Variants in EFCAB11 observed in about 807,000 individuals in gnomAD.
EFCAB11 encodes the protein EF-hand calcium-binding domain-containing protein 11.
EFCAB11 carries 14 observed loss-of-function variants against 23.0 expected under a neutral mutation model. The ratio of observed to expected loss-of-function variants is 0.61; its 90% CI spans 0.40 to 0.95. The LOEUF is 0.95. EFCAB11 is among the 40% of genes least tolerant of loss of function. EFCAB11 has a pLI of 0.00. For missense variants in EFCAB11, 198 were observed against 195.8 expected (o/e 1.01, Z -0.07); for synonymous variants, 65 against 66.6 (o/e 0.98, Z 0.11).
intron 5 of EFCAB11, among the ~76,000 whole-genome samples, chr14:89,885,401 G>A (rs1039373422): frequency 9.2e-5 from 14 of 152,090 alleles, no homozygotes; most frequent in East Asian, 1.9e-4. Context: ...CCCAGCCAGC[G>A]GGCGTGGTGG....
intron 5 of EFCAB11, chr14:89,830,921 A>T (rs1304900753): frequency 6.6e-6 from 1 of 152,242 alleles, no homozygotes; most frequent in Non-Finnish European, 1.5e-5. Flanking sequence ...ATCACAGGTG[A>T]AATGGAAAAA....
At chr14:89,877,808 C>T (rs1888486599) in intron 5 of EFCAB11, among the ~76,000 whole-genome samples, 1 of 151,980 alleles carries the variant, frequency 6.6e-6, no homozygotes, top group Admixed American at 6.6e-5. Flanking sequence ...CAAAAGGCAC[C>T]CCTTCATATA....
intron 5 of EFCAB11, among the ~76,000 whole-genome samples, chr14:89,822,054 TATAG>T (rs1408478088): frequency 6.6e-5 from 10 of 152,302 alleles, no homozygotes; most frequent in African/African-American, 2.4e-4. Flanking sequence ...GAAGTAGTCA[TATAG>T]ATAAAATTTA....
chr14:89,929,841 T>C lies in EFCAB11; in HGVS notation c.410+1700A>G, dbSNP rs537441149. Among the ~76,000 whole-genome samples, 9 of 152,388 alleles carry C rather than the reference T, an allele frequency of 5.9e-5. 1 individual carries two copies. Among genetic ancestry groups the C allele is most frequent in the African/African-American group, 2.2e-4 (9 of 41,604 alleles). On this transcript the variant is annotated intron_variant, in intron 5 of 5. Coordinates refer to ENST00000316738, the MANE Select transcript of EFCAB11 (RefSeq NM_145231.4). ...TAAGAAGGTGTTACTTTCTCATTCA[T>C]CGTTAAAACATTGCCTGTATCTTGA...
At chr14:89,916,164 A>G (rs1000046112) in intron 5 of EFCAB11, among the ~76,000 whole-genome samples, 1 of 151,860 alleles carries the variant, frequency 6.6e-6, no homozygotes, top group African/African-American at 2.4e-5. Context: ...CAGAAAAAAA[A>G]AAAAGAAAAA....
intron 5 of EFCAB11, among the ~76,000 whole-genome samples, chr14:89,898,376 T>G (rs1233621549): frequency 6.6e-6 from 1 of 152,106 alleles, no homozygotes; most frequent in East Asian, 1.9e-4. Flanking sequence ...TTTTGTTTTG[T>G]TTTTTTGAGA....
At chr14:89,914,341 AACTAGAAAAGG>A (rs1252923809) in intron 5 of EFCAB11, among the ~76,000 whole-genome samples, 1 of 152,242 alleles carries the variant, frequency 6.6e-6, no homozygotes, top group Non-Finnish European at 1.5e-5. Flanking sequence ...TCTGTGCTTA[AACTAGAAAAGG>A]ACAGGGTGAG....
intron 5 of EFCAB11, among the ~76,000 whole-genome samples, chr14:89,922,642 G>A (rs763573299): frequency 2.4e-4 from 37 of 151,898 alleles, no homozygotes; most frequent in Non-Finnish European, 5.0e-4. Context: ...TTTTTCCAAT[G>A]AAATAAGCCA....
At chr14:89,849,262 T>C (rs556605149) in intron 5 of EFCAB11, among the ~76,000 whole-genome samples, 23 of 152,316 alleles carry the variant, frequency 1.5e-4, no homozygotes, top group African/African-American at 5.3e-4. Context: ...CACTCCACCA[T>C]CTTTGCCTGG....
At chr14:89,865,371 C>G (rs1427726413) in intron 5 of EFCAB11, among the ~76,000 whole-genome samples, 3 of 152,128 alleles carry the variant, frequency 2.0e-5, no homozygotes, top group African/African-American at 4.8e-5. Context: ...TCATATCCGA[C>G]AGAGCCTCTC....
rs374259699 is a variant in EFCAB11, at chr14:89,892,511, A to ATC, written c.410+39028_410+39029dup. On this transcript the variant is annotated intron_variant, in intron 5 of 5. Coordinates refer to ENST00000316738, the MANE Select transcript of EFCAB11 (RefSeq NM_145231.4). ...ACCTGGTGGGATGGGGAATGTTAGT[A>ATC]TCTCTCTGGAGGACAAATGACAGAA... 4,574 of 1,258,874 alleles carry ATC rather than the reference A, an allele frequency of 3.6e-3. 64 individuals are homozygous for ATC. Among genetic ancestry groups the ATC allele is most frequent in the South Asian group, 0.028 (1,775 of 64,454 alleles). 78.0% of individuals were successfully genotyped at this position (1,258,874 alleles called of 1,614,324 possible). A position where few individuals can be genotyped will look rare whatever the true frequency, so the allele number is the denominator to read the frequency against.
chr14:89,923,885 C>CT, intron 5 of EFCAB11: 1 of 985,380 alleles, frequency 1.0e-6, no homozygotes, highest in Non-Finnish European at 1.2e-6. Context: ...TGAGAAATAA[C>CT]ATTTCAAAAG....
At chr14:89,843,619 G>C (rs1228242171) in intron 5 of EFCAB11, among the ~76,000 whole-genome samples, 2 of 152,176 alleles carry the variant, frequency 1.3e-5, no homozygotes, top group Non-Finnish European at 2.9e-5. Context: ...AAGACTAGCT[G>C]CAGTGTAGAA....
At chr14:89,911,856 G>A (rs1216255478) in intron 5 of EFCAB11, among the ~76,000 whole-genome samples, 2 of 152,214 alleles carry the variant, frequency 1.3e-5, no homozygotes, top group African/African-American at 4.8e-5. Flanking sequence ...AGTCCCCACT[G>A]ACAGAGCACG....
intron 5 of EFCAB11, among the ~76,000 whole-genome samples, chr14:89,902,316 T>C (rs1285184612): frequency 6.6e-6 from 1 of 152,216 alleles, no homozygotes; most frequent in African/African-American, 2.4e-5. Flanking sequence ...TTTTCTATAA[T>C]TTATTCTGTT....
At chr14:89,845,052 T>C (rs1225391399) in intron 5 of EFCAB11, among the ~76,000 whole-genome samples, 1 of 152,216 alleles carries the variant, frequency 6.6e-6, no homozygotes, top group Non-Finnish European at 1.5e-5. Context: ...AAAATCTGTT[T>C]TGTTGTTTTA....
intron 5 of EFCAB11, among the ~76,000 whole-genome samples, chr14:89,842,324 C>T (rs996317912): frequency 1.3e-5 from 2 of 152,214 alleles, no homozygotes; most frequent in Non-Finnish European, 2.9e-5. Context: ...CGTGGTGGCT[C>T]ACGCCTGTAA....
At chr14:89,927,790 C>T (rs988569570) in intron 5 of EFCAB11, among the ~76,000 whole-genome samples, 2 of 151,802 alleles carry the variant, frequency 1.3e-5, no homozygotes, top group Non-Finnish European at 2.9e-5. Context: ...GGCACGATCT[C>T]GGCTCACTAC....
At position 89,797,129 on chromosome 14, in the gene EFCAB11, A is replaced by G; in HGVS notation, c.*114T>C. The G allele has an allele frequency of 1.0e-6, 1 of 988,826 alleles. No homozygotes were observed. The highest frequency in any genetic ancestry group is 1.5e-6 in the Non-Finnish European group (1 of 683,874). The allele number at this position is 988,826 out of a possible 1,614,324, so 61.3% of individuals were successfully genotyped here. ...CCTACTATGTACCCACAAAAATTAAAAATTTTTAAATGTTTAATCACAAGT... is the reference window on the plus strand; with the variant it reads ...CCTACTATGTACCCACAAAAATTAAGAATTTTTAAATGTTTAATCACAAGT... On this transcript the variant is annotated 3_prime_UTR_variant, in exon 6 of 6. Coordinates refer to ENST00000316738, the MANE Select transcript of EFCAB11 (RefSeq NM_145231.4).
Sources: gnomAD v4.1 joint callset for allele counts (sites outside exome capture counted in the v4.1 genomes callset) on GRCh38, gnomAD v4.1.1 for gene constraint, MANE v1.5 for transcripts, NCBI Gene and HGNC (gene_info 2026-07-23, HGNC 2026-07-21) for gene names.